The following UQCC1 variants were observed in gnomAD, a reference collection of about 807,000 sequenced individuals.
UQCC1 encodes the protein bFGF-repressed Zic-binding protein.
Under a neutral mutation model 48.0 loss-of-function variants are expected in UQCC1, and 38 were observed. The ratio of observed to expected loss-of-function variants is 0.79; its 90% CI spans 0.61 to 1.04. The LOEUF (loss-of-function observed/expected upper bound fraction) is 1.04. UQCC1 is among the 50% of genes least tolerant of loss of function. The pLI is 0.00. For missense variants in UQCC1, 368 were observed against 381.8 expected (o/e 0.96, Z 0.30); for synonymous variants, 111 against 129.2 (o/e 0.86, Z 0.95).
intron 6 of UQCC1, among the ~76,000 whole-genome samples, chr20:35,360,878 C>T (rs1205229861): frequency 6.6e-6 from 1 of 152,070 alleles, no homozygotes; most frequent in Non-Finnish European, 1.5e-5. Flanking sequence ...ACCCCTATCC[C>T]CTGACCACCA....
rs896924151 is a variant in UQCC1, at chr20:35,375,948, A to C, written c.334-1692T>G. On this transcript the variant is annotated intron_variant, in intron 4 of 9. Transcript: ENST00000374385. ...TGGGTGACAGAGCTGGACCTTGCCT[A>C]AAAAAAAAAAAAAAAAAAAAAGGAA... Among the ~76,000 whole-genome samples the C allele has an allele frequency of 7.3e-4, 8 of 10,920 alleles. No homozygotes were observed. In the South Asian group the frequency reaches 0.011, roughly 15 times the overall value. 7.2% of individuals were successfully genotyped at this position (10,920 alleles called of 152,430 possible).
In UQCC1 at chr20:35,400,780, C is replaced by A. The variant is rs181411282; in HGVS notation, c.25-6584G>T. On this transcript the variant is annotated intron_variant, in intron 1 of 9. Coordinates refer to ENST00000374385, the MANE Select transcript of UQCC1 (RefSeq NM_018244.5). ...AAAGTGCTGGGATTACAGGTGTGAG[C>A]CACCATGCCTGGCCAAAACCAAAAT... Among the ~76,000 whole-genome samples, 14 of 152,316 alleles carry A rather than the reference C, an allele frequency of 9.2e-5. No individual in the cohort carries two copies. In the East Asian group the frequency reaches 2.3e-3, roughly 25 times the overall value.
chr20:35,318,137 G>A (rs915482671), intron 7 of UQCC1, among the ~76,000 whole-genome samples: 1 of 152,206 alleles, frequency 6.6e-6, no homozygotes, highest in Non-Finnish European at 1.5e-5. Context: ...GCATCTCTCA[G>A]AGGAAAACAT....
At chr20:35,338,908 TGGAGAG>T (rs2061347753) in intron 7 of UQCC1, among the ~76,000 whole-genome samples, 1 of 71,030 alleles carries the variant, frequency 1.4e-5, no homozygotes, top group Non-Finnish European at 2.3e-5. Flanking sequence ...TATATATATA[TGGAGAG>T]ATTTTTCAAA....
chr20:35,398,013 T>C (rs917063372), intron 1 of UQCC1, among the ~76,000 whole-genome samples: 1 of 152,216 alleles, frequency 6.6e-6, no homozygotes, highest in Non-Finnish European at 1.5e-5. Flanking sequence ...GGTATATCAT[T>C]ATCCCATTTA....
intron 7 of UQCC1, among the ~76,000 whole-genome samples, chr20:35,341,424 C>G (rs1357445181): frequency 1.3e-5 from 2 of 152,008 alleles, no homozygotes; most frequent in Non-Finnish European, 2.9e-5. Context: ...AACAAATATC[C>G]TCAGAATAAA....
intron 4 of UQCC1, among the ~76,000 whole-genome samples, chr20:35,381,602 T>C (rs1460789456): frequency 6.6e-6 from 1 of 151,966 alleles, no homozygotes; most frequent in Non-Finnish European, 1.5e-5. Context: ...GGCAGGGGAG[T>C]GCAGCTACTC....
chr20:35,335,708 C>G (rs886938721), intron 7 of UQCC1, among the ~76,000 whole-genome samples: 1 of 152,112 alleles, frequency 6.6e-6, no homozygotes, highest in Non-Finnish European at 1.5e-5. Context: ...CACAGGATTT[C>G]TATCTGAGGT....
At chr20:35,308,458 G>A (rs1367845657) in intron 8 of UQCC1, among the ~76,000 whole-genome samples, 11 of 152,368 alleles carry the variant, frequency 7.2e-5, no homozygotes, top group Admixed American at 2.6e-4. Flanking sequence ...GATTGGGAGC[G>A]CGTGTTATGG....
At chr20:35,376,004 A>G (rs1431752434) in intron 4 of UQCC1, among the ~76,000 whole-genome samples, 6 of 150,366 alleles carry the variant, frequency 4.0e-5, no homozygotes, top group Non-Finnish European at 8.9e-5. Flanking sequence ...CTTTAAAAAT[A>G]TCAATAAAAT....
At chr20:35,305,296 C>T (rs2060916182) in intron 9 of UQCC1, among the ~76,000 whole-genome samples, 1 of 152,202 alleles carries the variant, frequency 6.6e-6, no homozygotes, top group East Asian at 1.9e-4. Context: ...CCTGCTTTCC[C>T]AAGAACCCCT....
At chr20:35,399,826 C>T (rs2062134439) in intron 1 of UQCC1, among the ~76,000 whole-genome samples, 1 of 147,692 alleles carries the variant, frequency 6.8e-6, no homozygotes, top group South Asian at 2.2e-4. Flanking sequence ...CCACTGCACT[C>T]CAGCCTGCGT....
chr20:35,369,858 C>A (rs1026516927), intron 5 of UQCC1, among the ~76,000 whole-genome samples: 27 of 152,124 alleles, frequency 1.8e-4, no homozygotes, highest in Non-Finnish European at 8.8e-5. Flanking sequence ...CAGTGATAAA[C>A]CTCAACCACA....
chr20:35,379,074 T>C (rs1164204909), intron 4 of UQCC1, among the ~76,000 whole-genome samples: 1 of 152,184 alleles, frequency 6.6e-6, no homozygotes, highest in Non-Finnish European at 1.5e-5. Flanking sequence ...TTAATGCTAA[T>C]ATGGAAACCT....
Position 35,309,253 on chromosome 20 carries a change from C to T in UQCC1, c.652-2474G>A, listed in dbSNP as rs1162731895. ...TTCAAGACCAGCCTGGACAACATGG[C>T]GAAACTGTTTCCACAAAAAAATATA... On this transcript the variant is annotated intron_variant, in intron 8 of 9. Coordinates refer to ENST00000374385, the MANE Select transcript of UQCC1 (RefSeq NM_018244.5). The T allele has an allele frequency of 2.3e-5, 10 of 436,526 alleles. 1 individual carries two copies. The highest frequency in any genetic ancestry group is 1.1e-4 in the South Asian group (7 of 63,090). The allele number at this position is 436,526 out of a possible 1,614,324, so 27.0% of individuals were successfully genotyped here. A position where few individuals can be genotyped will look rare whatever the true frequency, so the allele number is the denominator to read the frequency against.
At chr20:35,353,909 ATATCT>A (rs1477032907) in intron 6 of UQCC1, among the ~76,000 whole-genome samples, 1 of 152,216 alleles carries the variant, frequency 6.6e-6, no homozygotes, top group Admixed American at 6.5e-5. Context: ...TTTATGGTAA[ATATCT>A]TATACAAGAA....
Position 35,390,925 on chromosome 20 carries a change from G to A in UQCC1, c.129+3167C>T, listed in dbSNP as rs547252191. 5.3e-5 allele frequency among the ~76,000 whole-genome samples: 8 copies of A among 152,214 alleles called. No homozygotes were observed. In the South Asian group the frequency reaches 1.7e-3, roughly 32 times the overall value. On this transcript the variant is annotated intron_variant, in intron 2 of 9. Transcript: ENST00000374385. ...GGCCGGGCTTTCTATATTATAGGTG[G>A]TAGCTCACACCTATAATCCCAGCAC... is the stretch of plus-strand genomic sequence containing the variant.
intron 6 of UQCC1, among the ~76,000 whole-genome samples, chr20:35,354,291 A>C (rs577308365): frequency 2.2e-3 from 342 of 152,360 alleles, no homozygotes; most frequent in African/African-American, 7.7e-3. Context: ...CCTTTTGAGA[A>C]ATATACAACC....
chr20:35,368,281 G>A (rs541280912), intron 5 of UQCC1, among the ~76,000 whole-genome samples: 2 of 152,032 alleles, frequency 1.3e-5, no homozygotes, highest in African/African-American at 2.4e-5. Flanking sequence ...AATTCACTGC[G>A]GGCTTACTAT....
Sources: gnomAD v4.1 joint callset for allele counts (sites outside exome capture counted in the v4.1 genomes callset) on GRCh38, gnomAD v4.1.1 for gene constraint, MANE v1.5 for transcripts, NCBI Gene and HGNC (gene_info 2026-07-23, HGNC 2026-07-21) for gene names.